SNX25: variants seen among roughly 807,000 people sequenced by gnomAD.
SNX25 encodes sorting nexin 25, also known as sorting nexin-25.
In SNX25, 62 loss-of-function variants were observed where a neutral mutation model predicts 113.7. The ratio of observed to expected loss-of-function variants is 0.55; its 90% CI spans 0.44 to 0.67. SNX25 has a LOEUF of 0.67. Among genes scored for constraint, SNX25 ranks in the 30% least tolerant of loss-of-function variants. SNX25 has a pLI of 0.00. For missense variants in SNX25, 1,014 were observed against 1,161.0 expected, an observed-to-expected ratio of 0.87 and a Z score of 1.84; for synonymous variants, 421 against 436.2, an observed-to-expected ratio of 0.97 and a Z score of 0.43.
chr4:185,316,747 G>A (rs1266886565), intron 7 of SNX25, among the ~76,000 whole-genome samples: 1 of 152,168 alleles, frequency 6.6e-6, no homozygotes, highest in Non-Finnish European at 1.5e-5. Flanking sequence ...GTGTGAAAGG[G>A]TTTCCTGGCT....
Position 185,289,565 on chromosome 4 carries a change from C to T in SNX25, c.1162+1483C>T, listed in dbSNP as rs117760419. On this transcript the variant is annotated intron_variant, in intron 6 of 18. Coordinates refer to ENST00000652585, the MANE Select transcript of SNX25 (RefSeq NM_001378034.2). ...GGCAGGGAACCCAGTCACAAAGGCC[C>T]AACTGGTACTGCAAGGACTTGGGAT... 6.1e-3 allele frequency among the ~76,000 whole-genome samples: 931 copies of T among 152,268 alleles called. 16 individuals are homozygous for T. The highest frequency in any genetic ancestry group is 0.049 in the South Asian group (235 of 4,818).
rs983475829 is a variant in SNX25 at position 185,232,947 on chromosome 4, G to T, written c.430-14347G>T. ...TTCCTAAGCCCAGCCTTCCATGGTGGTATGGCTCATTAGCTACCCGATTAT... is the reference window on the plus strand; with the variant it reads ...TTCCTAAGCCCAGCCTTCCATGGTGTTATGGCTCATTAGCTACCCGATTAT... On this transcript the variant is annotated intron_variant, in intron 1 of 18. Coordinates refer to ENST00000652585, the MANE Select transcript of SNX25 (RefSeq NM_001378034.2). The surrounding 1 kb of genome is among the most constrained non-coding windows in gnomAD (Gnocchi z 4.4). Among the ~76,000 whole-genome samples the T allele has an allele frequency of 6.6e-6, 1 of 152,084 alleles. No homozygotes were observed. The highest frequency in any genetic ancestry group is 2.4e-5 in the African/African-American group (1 of 41,392).
In SNX25 at chr4:185,243,326, T is replaced by C. The variant is rs946358198; in HGVS notation, c.430-3968T>C. 3.3e-5 allele frequency among the ~76,000 whole-genome samples: 5 copies of C among 152,296 alleles called. No homozygotes were observed. The South Asian group carries it at 8.3e-4, about 25-fold the overall frequency. ...TCTTTTCATCTTGTAAAGCTGAAAC[T>C]CTGCTAGGCATGGTGACTCATGCTT... On this transcript the variant is annotated intron_variant, in intron 1 of 18. Coordinates refer to ENST00000652585, the MANE Select transcript of SNX25 (RefSeq NM_001378034.2).
At chr4:185,345,658 G>A (rs2095282037) in intron 12 of SNX25, among the ~76,000 whole-genome samples, 1 of 151,952 alleles carries the variant, frequency 6.6e-6, no homozygotes, top group Non-Finnish European at 1.5e-5. Flanking sequence ...AGGCATGGTG[G>A]TGCATGCTTG....
At chr4:185,223,406 C>G (rs1013654737) in intron 1 of SNX25, among the ~76,000 whole-genome samples, 2 of 152,106 alleles carry the variant, frequency 1.3e-5, no homozygotes, top group Admixed American at 6.5e-5. Context: ...TCAACATGCT[C>G]CTCTGTGTGC....
intron 5 of SNX25, among the ~76,000 whole-genome samples, chr4:185,276,611 G>A (rs1749719281): frequency 6.6e-6 from 1 of 152,170 alleles, no homozygotes; most frequent in Admixed American, 6.5e-5. Context: ...GGGGCGGGAG[G>A]ATGGCTTGAG....
intron 9 of SNX25, among the ~76,000 whole-genome samples, chr4:185,325,270 A>G (rs147047535): frequency 0.014 from 2,138 of 152,284 alleles, 55 homozygotes; most frequent in African/African-American, 0.049. Flanking sequence ...GCAGTGGCTC[A>G]CGCCTGTAAT....
At chr4:185,352,377 C>T (rs1579902869) in intron 14 of SNX25, among the ~76,000 whole-genome samples, 1 of 152,190 alleles carries the variant, frequency 6.6e-6, no homozygotes, top group Non-Finnish European at 1.5e-5. Context: ...TGGTGAAAAG[C>T]AGCATGCTGC....
At position 185,232,091 on chromosome 4, in the gene SNX25, T is replaced by G. The variant is rs1373923080; in HGVS notation, c.430-15203T>G. 6.6e-6 allele frequency among the ~76,000 whole-genome samples: 1 copy of G among 152,196 alleles called. No individual in the cohort carries two copies. Among genetic ancestry groups the G allele is most frequent in the Admixed American group, 6.5e-5 (1 of 15,288 alleles). On this transcript the variant is annotated intron_variant, in intron 1 of 18. Coordinates refer to ENST00000652585, the MANE Select transcript of SNX25 (RefSeq NM_001378034.2). The surrounding 1 kb of genome is among the most constrained non-coding windows in gnomAD (Gnocchi z 4.4). ...TTATCACCAGTTTTTATTTAAAAGC[T>G]AGTTAATGTGAAAAACACACTCACC...
chr4:185,356,031 A>G (rs1219780946), intron 15 of SNX25, among the ~76,000 whole-genome samples: 3 of 152,198 alleles, frequency 2.0e-5, no homozygotes, highest in African/African-American at 2.4e-5. Flanking sequence ...CAGAGAGAAT[A>G]AATAGAACCT....
At chr4:185,207,241 C>T (rs1001532617), upstream of SNX25, among the ~76,000 whole-genome samples, 7 of 97,450 alleles carry the variant, frequency 7.2e-5, no homozygotes, top group South Asian at 3.4e-4. Flanking sequence ...TTTTTTGAGA[C>T]GGAGTCTCGC....
chr4:185,374,440 TC>T (rs761455174), downstream of SNX25: 2 of 1,613,992 alleles, frequency 1.2e-6, no homozygotes, highest in South Asian at 2.2e-5. Flanking sequence ...AGAATTTTCT[TC>T]ATATAGTCCA....
At chr4:185,375,516 G>GTATATA in the SNX25 span, 10,152 of 46,530 alleles carry the variant, frequency 0.22, 1,193 homozygotes, top group African/African-American at 0.29. Context: ...ATATATATAT[G>GTATATA]TATATATATA....
At chr4:185,378,205 A>G in the SNX25 span, 1 of 1,611,420 alleles carries the variant, frequency 6.2e-7, no homozygotes, top group Admixed American at 1.7e-5. Context: ...TGCAATGTGT[A>G]TTCTATAAGC....
downstream of SNX25, among the ~76,000 whole-genome samples, chr4:185,371,984 A>T (rs577984099): frequency 1.3e-5 from 2 of 152,244 alleles, no homozygotes; most frequent in East Asian, 3.9e-4. Context: ...TGTCTCCCCG[A>T]CCCACTGCTT....
intron 5 of SNX25, among the ~76,000 whole-genome samples, chr4:185,278,044 A>G: frequency 6.6e-6 from 1 of 152,124 alleles, no homozygotes; most frequent in Non-Finnish European, 1.5e-5. Context: ...ATTACCTTTT[A>G]AAAAATAAAA....
chr4:185,226,110 ACT>A (rs772940800), intron 1 of SNX25, among the ~76,000 whole-genome samples: 3 of 151,828 alleles, frequency 2.0e-5, no homozygotes, highest in South Asian at 2.1e-4. Flanking sequence ...GTGACTGCAG[ACT>A]CTCTCTCAAT....
At chr4:185,342,172 A>G (rs2095263332) in intron 12 of SNX25, 56 bp downstream of exon 12, 5 of 1,451,280 alleles carry the variant, frequency 3.4e-6, no homozygotes, top group Admixed American at 2.5e-5. Context: ...GCTCATTTCA[A>G]TTTTACACAT....
intron 1 of SNX25, among the ~76,000 whole-genome samples, chr4:185,239,353 G>T (rs763769780): frequency 1.3e-5 from 2 of 151,970 alleles, no homozygotes; most frequent in African/African-American, 4.8e-5. Flanking sequence ...CGTGGTGGTG[G>T]GCACCTGTAG....
Sources: allele counts gnomAD v4.1 joint callset (sites outside exome capture counted in the v4.1 genomes callset), GRCh38; gene constraint gnomAD v4.1.1; non-coding constraint Gnocchi (gnomAD v3.1); transcripts MANE v1.5; gene names NCBI Gene and HGNC (gene_info 2026-07-23, HGNC 2026-07-21).